The following C10orf90 variants were observed in gnomAD, a reference collection of about 807,000 sequenced individuals.
The protein encoded by C10orf90 is chromosome 10 open reading frame 90, also known as (E2-independent) E3 ubiquitin-conjugating enzyme FATS.
In C10orf90, 56 loss-of-function variants were observed where a neutral mutation model predicts 62.5. The observed-to-expected ratio is 0.90, with a 90% CI of 0.72 to 1.12. The LOEUF is 1.12. Among genes scored for constraint, C10orf90 ranks in the 50% most tolerant of loss-of-function variants. C10orf90 has a pLI of 0.00. For synonymous variants in C10orf90, 386 were observed against 340.4 expected, an observed-to-expected ratio of 1.13 and a Z score of -1.47; for missense variants, 970 against 880.4, an observed-to-expected ratio of 1.10 and a Z score of -1.29.
At chr10:126,542,084 G>A (rs1864388689) in intron 2 of C10orf90, among the ~76,000 whole-genome samples, 1 of 152,234 alleles carries the variant, frequency 6.6e-6, no homozygotes, top group Non-Finnish European at 1.5e-5. Context: ...TATAGTGTAT[G>A]ATTCTCTTTA....
chr10:126,446,709 G>T lies in C10orf90; in HGVS notation c.2188+12331C>A, dbSNP rs189319984. ...AAAAATATAAAACTTACTTGTAAAAGTAAGTACACAGTCAAATTCAGAATA... is the reference window on the plus strand; with the variant it reads ...AAAAATATAAAACTTACTTGTAAAATTAAGTACACAGTCAAATTCAGAATA... On this transcript the variant is annotated intron_variant, in intron 7 of 9. Coordinates refer to ENST00000488181, the MANE Select transcript of C10orf90 (RefSeq NM_001350921.2). Among the ~76,000 whole-genome samples the T allele has an allele frequency of 2.3e-3, 357 of 152,212 alleles. 2 individuals carry two copies. The highest frequency in any genetic ancestry group is 4.0e-3 in the Non-Finnish European group (274 of 67,996).
intron 2 of C10orf90, among the ~76,000 whole-genome samples, chr10:126,577,208 T>C (rs1844644913): frequency 6.6e-6 from 1 of 152,002 alleles, no homozygotes; most frequent in African/African-American, 2.4e-5. Context: ...ATTACCCTGC[T>C]GTGATTCCTA....
intron 3 of C10orf90, chr10:126,511,993 A>G (rs1863134662): frequency 6.6e-6 from 1 of 151,844 alleles, no homozygotes; most frequent in Non-Finnish European, 1.5e-5. Flanking sequence ...TCAATCTCGT[A>G]TGGGCCCTGG....
chr10:126,629,905 AC>A, intron 2 of C10orf90, among the ~76,000 whole-genome samples: 1 of 152,236 alleles, frequency 6.6e-6, no homozygotes. Flanking sequence ...GGGTCTCCAG[AC>A]CCCAATGATC....
chr10:126,490,096 A>G (rs1455357905), intron 4 of C10orf90, among the ~76,000 whole-genome samples: 1 of 113,326 alleles, frequency 8.8e-6, no homozygotes, highest in Non-Finnish European at 1.7e-5. Flanking sequence ...AATATATAAT[A>G]TATAATATAT....
chr10:126,482,545 G>C (rs988861450), intron 4 of C10orf90, among the ~76,000 whole-genome samples: 1 of 152,218 alleles, frequency 6.6e-6, no homozygotes, highest in Non-Finnish European at 1.5e-5. Context: ...TTAGACAAAA[G>C]CCAGGTGTGC....
intron 7 of C10orf90, among the ~76,000 whole-genome samples, chr10:126,436,606 C>G (rs1416728991): frequency 6.6e-6 from 1 of 152,146 alleles, no homozygotes; most frequent in East Asian, 1.9e-4. Context: ...TTGGGACAAG[C>G]TACTTGTGCT....
In C10orf90 at chr10:126,456,443, A is replaced by C. The variant is rs1323390395; in HGVS notation, c.2188+2597T>G. 1.3e-5 allele frequency among the ~76,000 whole-genome samples: 2 copies of C among 152,228 alleles called. No individual in the cohort carries two copies. Among genetic ancestry groups the C allele is most frequent in the Admixed American group, 1.3e-4 (2 of 15,288 alleles). ...GGGGAGTAAAAGGTACTCAGTTAAC[A>C]TTCTGAACTGAGCCTGGTTACCTTT... On this transcript the variant is annotated intron_variant, in intron 7 of 9. Transcript: ENST00000488181. This position sits in a 1 kb window ranked among gnomAD's most constrained non-coding sequence, Gnocchi z 4.9.
intron 2 of C10orf90, among the ~76,000 whole-genome samples, chr10:126,534,675 C>A (rs1304270042): frequency 6.6e-6 from 1 of 152,158 alleles, no homozygotes; most frequent in Admixed American, 6.5e-5. Context: ...GTCCGGGCCA[C>A]CTTCATTTTT....
chr10:126,534,091 T>TGTCCTCCC (rs1332935417), intron 2 of C10orf90, among the ~76,000 whole-genome samples: 92 of 152,366 alleles, frequency 6.0e-4, no homozygotes, highest in African/African-American at 2.1e-3. Flanking sequence ...CCTGTCCTCC[T>TGTCCTCCC]GTCCTCCCTT....
chr10:126,613,665 AC>A (rs1845484787), intron 2 of C10orf90, among the ~76,000 whole-genome samples: 1 of 152,176 alleles, frequency 6.6e-6, no homozygotes. Flanking sequence ...CTCTTCAATC[AC>A]TGCAGACAAA....
chr10:126,477,042 TGG>T (rs1264623355), intron 4 of C10orf90, among the ~76,000 whole-genome samples: 4 of 138,420 alleles, frequency 2.9e-5, no homozygotes, highest in Non-Finnish European at 6.1e-5. Context: ...CCCCAGCAGC[TGG>T]GACTACAGGT....
At chr10:126,478,205 G>T (rs1053624374) in intron 4 of C10orf90, among the ~76,000 whole-genome samples, 1 of 152,170 alleles carries the variant, frequency 6.6e-6, no homozygotes, top group Non-Finnish European at 1.5e-5. Flanking sequence ...CAGGCCCTTG[G>T]AATAACTTGG....
intron 2 of C10orf90, among the ~76,000 whole-genome samples, chr10:126,571,489 G>T (rs2134004154): frequency 6.6e-6 from 1 of 152,208 alleles, no homozygotes; most frequent in East Asian, 1.9e-4. Context: ...CCACTGGGAA[G>T]CCTCCAGGCA....
intron 2 of C10orf90, among the ~76,000 whole-genome samples, chr10:126,624,436 G>A (rs753548288): frequency 4.3e-4 from 65 of 152,238 alleles, no homozygotes; most frequent in Middle Eastern, 3.4e-3. Flanking sequence ...CCCTTTTTGT[G>A]TGTCACTTTG....
chr10:126,437,653 G>T (rs1396008979), intron 7 of C10orf90, among the ~76,000 whole-genome samples: 2 of 152,122 alleles, frequency 1.3e-5, no homozygotes, highest in Non-Finnish European at 2.9e-5. Flanking sequence ...AAAGTAATGG[G>T]ACATATGGTA....
chr10:126,633,583 G>A (rs1845893349), intron 2 of C10orf90, among the ~76,000 whole-genome samples: 1 of 152,218 alleles, frequency 6.6e-6, no homozygotes, highest in African/African-American at 2.4e-5. Context: ...GTGGGGACGG[G>A]CTGAGCATGG....
chr10:126,644,625 C>T lies in C10orf90; in HGVS notation c.313+1940G>A, dbSNP rs140290196. Among the ~76,000 whole-genome samples, 224 of 152,342 alleles carry T rather than the reference C, an allele frequency of 1.5e-3. 1 individual carries two copies. The highest frequency in any genetic ancestry group is 5.2e-3 in the African/African-American group (215 of 41,582). ...TGAACAATTTCCCTGCAGCCTGCACCGTTAACCTCTAGCCTCCGGCCAACA... is the reference window on the plus strand; with the variant it reads ...TGAACAATTTCCCTGCAGCCTGCACTGTTAACCTCTAGCCTCCGGCCAACA... On this transcript the variant is annotated intron_variant, in intron 2 of 9. Transcript: ENST00000488181.
At chr10:126,496,668 TGA>T in intron 4 of C10orf90, 2 of 985,422 alleles carry the variant, frequency 2.0e-6, no homozygotes, top group Non-Finnish European at 2.4e-6. Context: ...CTCTTGGCGG[TGA>T]GTCTTTCATC....
Sources: allele counts gnomAD v4.1 joint callset (sites outside exome capture counted in the v4.1 genomes callset), GRCh38; gene constraint gnomAD v4.1.1; non-coding constraint Gnocchi (gnomAD v3.1); transcripts MANE v1.5; gene names NCBI Gene and HGNC (gene_info 2026-07-23, HGNC 2026-07-21).